CIMAP1D: variants seen among roughly 807,000 people sequenced by gnomAD.
The protein encoded by CIMAP1D is CIMAP1 family member D.
the CIMAP1D span, among the ~76,000 whole-genome samples, chr19:480,491 TAAGGATGATGGAGAAGGATGATGGGG>T: frequency 1.4e-5 from 1 of 71,102 alleles, no homozygotes; most frequent in Non-Finnish European, 2.6e-5. Context: ...AGGATGATGG[TAAGGATGATGGAGAAGGATGATGGGG>T]AAGGATGATG....
At chr19:464,021 C>G in the CIMAP1D span, 1 of 1,602,634 alleles carries the variant, frequency 6.2e-7, no homozygotes, top group African/African-American at 1.3e-5. Flanking sequence ...CCAGGGGTCG[C>G]GGGGCCCGGG....
the CIMAP1D span, chr19:475,059 G>A: frequency 1.0e-5 from 3 of 287,556 alleles, no homozygotes; most frequent in Admixed American, 1.6e-4. Flanking sequence ...CGGCAGAGCT[G>A]GGCAGCTGGG....
chr19:489,353 C>T, the CIMAP1D span: 3 of 153,908 alleles, frequency 1.9e-5, no homozygotes, highest in South Asian at 3.8e-4. Flanking sequence ...CCCGCGGCCC[C>T]GACCTCTGAC....
At chr19:486,352 TC>T in the CIMAP1D span, among the ~76,000 whole-genome samples, 1 of 152,108 alleles carries the variant, frequency 6.6e-6, no homozygotes, top group African/African-American at 2.4e-5. Context: ...ATACACCCGG[TC>T]CAACTCCCTC....
the CIMAP1D span, among the ~76,000 whole-genome samples, chr19:465,451 GT>G: frequency 2.2e-5 from 3 of 138,996 alleles, no homozygotes; most frequent in Admixed American, 7.2e-5. Context: ...GGATGGATGA[GT>G]GGGTGGGTGG....
the CIMAP1D span, among the ~76,000 whole-genome samples, chr19:476,343 G>A: frequency 3.3e-5 from 5 of 151,802 alleles, no homozygotes; most frequent in South Asian, 2.1e-4. Context: ...GTGAGCCACC[G>A]CGCCCAGCCA....
At chr19:474,030 T>C in the CIMAP1D span, among the ~76,000 whole-genome samples, 1 of 151,620 alleles carries the variant, frequency 6.6e-6, no homozygotes, top group Admixed American at 6.6e-5. Context: ...ATGGGGAGAC[T>C]GAGGCCTGAG....
At chr19:469,269 G>C in the CIMAP1D span, among the ~76,000 whole-genome samples, 2 of 150,302 alleles carry the variant, frequency 1.3e-5, no homozygotes, top group African/African-American at 5.0e-5. Context: ...GCCCAGGCTG[G>C]AGAGTGCAGT....
the CIMAP1D span, among the ~76,000 whole-genome samples, chr19:480,254 C>T: frequency 2.0e-5 from 3 of 152,234 alleles, no homozygotes; most frequent in Non-Finnish European, 2.9e-5. Context: ...GAAGAGGAGC[C>T]GGGAGGAAGC....
At chr19:483,912 A>AG in the CIMAP1D span, among the ~76,000 whole-genome samples, 12 of 152,228 alleles carry the variant, frequency 7.9e-5, no homozygotes, top group Admixed American at 2.0e-4. Context: ...CGGCACGGGA[A>AG]GGGGACGGTG....
chr19:468,440 A>G, the CIMAP1D span, among the ~76,000 whole-genome samples: 1 of 152,120 alleles, frequency 6.6e-6, no homozygotes, highest in Admixed American at 6.5e-5. Flanking sequence ...GCTTGCTGGC[A>G]GGTCGCATGC....
At chr19:490,006 G>A in the CIMAP1D span, 1 of 398,550 alleles carries the variant, frequency 2.5e-6, no homozygotes, top group Non-Finnish European at 4.4e-6. Flanking sequence ...ACGTCCGGCG[G>A]CCACGATAGA....
the CIMAP1D span, among the ~76,000 whole-genome samples, chr19:483,012 T>C: frequency 4.3e-3 from 656 of 152,274 alleles, 2 homozygotes; most frequent in Non-Finnish European, 7.0e-3. Context: ...ATGTGTTTCC[T>C]CCTCTGAAAA....
the CIMAP1D span, among the ~76,000 whole-genome samples, chr19:484,259 G>C: frequency 1.3e-5 from 2 of 150,476 alleles, no homozygotes; most frequent in Non-Finnish European, 2.9e-5. Context: ...TGCTGCCTCA[G>C]CCTCCTGAGT....
the CIMAP1D span, among the ~76,000 whole-genome samples, chr19:483,562 C>T: frequency 2.6e-5 from 4 of 152,338 alleles, no homozygotes; most frequent in South Asian, 2.1e-4. Flanking sequence ...CCCCAGGGGA[C>T]GCTGGGCAGT....
the CIMAP1D span, chr19:475,073 A>G: frequency 1.1e-5 from 3 of 267,678 alleles, no homozygotes; most frequent in Non-Finnish European, 2.1e-5. Context: ...AGCTGGGGCC[A>G]GGGCCGGCCC....
chr19:475,293 C>T, the CIMAP1D span, among the ~76,000 whole-genome samples: 1 of 152,342 alleles, frequency 6.6e-6, no homozygotes, highest in Non-Finnish European at 1.5e-5. Flanking sequence ...AAAGCATGTA[C>T]TGGGCACCTA....
At chr19:464,034 C>T in the CIMAP1D span, 8 of 1,600,940 alleles carry the variant, frequency 5.0e-6, no homozygotes, top group African/African-American at 4.0e-5. Flanking sequence ...GGCCCGGGGC[C>T]GCCCCAGCAT....
chr19:476,477 A>T, the CIMAP1D span, among the ~76,000 whole-genome samples: 17 of 152,330 alleles, frequency 1.1e-4, 1 homozygote, highest in East Asian at 3.3e-3. Flanking sequence ...AGCGTAAGCC[A>T]CCGTGCCTGG....
Sources: allele counts gnomAD v4.1 joint callset (sites outside exome capture counted in the v4.1 genomes callset), GRCh38; gene constraint gnomAD v4.1.1; transcripts MANE v1.5; gene names NCBI Gene and HGNC (gene_info 2026-07-23, HGNC 2026-07-21).